AGMO: variants seen among roughly 807,000 people sequenced by gnomAD.
AGMO encodes the protein glyceryl-ether monooxygenase.
A neutral mutation model predicts 60.2 loss-of-function variants in AGMO; 75 were observed. The ratio of observed to expected loss-of-function variants is 1.25; its 90% CI spans 1.03 to 1.51. The LOEUF (loss-of-function observed/expected upper bound fraction) is 1.51. AGMO is among the 40% of genes most tolerant of loss of function. The pLI is 0.00. For missense variants in AGMO, 763 were observed against 525.5 expected (o/e 1.45, Z -4.42); for synonymous variants, 261 against 177.1 (o/e 1.47, Z -3.76).
chr7:15,294,092 A>C (rs894034987), intron 12 of AGMO, among the ~76,000 whole-genome samples: 1 of 152,148 alleles, frequency 6.6e-6, no homozygotes, highest in Non-Finnish European at 1.5e-5. Flanking sequence ...AAAACCTTGA[A>C]CAGGTTCCAG....
At chr7:15,144,997 T>C in the AGMO span, among the ~76,000 whole-genome samples, 1 of 152,136 alleles carries the variant, frequency 6.6e-6, no homozygotes, top group African/African-American at 2.4e-5. Context: ...GCTTTGCTAA[T>C]TTTTTTATTT....
At chr7:15,560,109 T>C (rs1583692251) in intron 2 of AGMO, 32 bp downstream of exon 2, 1 of 1,543,388 alleles carries the variant, frequency 6.5e-7, no homozygotes, top group Non-Finnish European at 8.8e-7. Flanking sequence ...ATTTCAGTTT[T>C]TATGCTCAGC....
chr7:15,214,434 C>G (rs1267013386), intron 12 of AGMO, among the ~76,000 whole-genome samples: 6 of 151,910 alleles, frequency 3.9e-5, no homozygotes, highest in Non-Finnish European at 8.8e-5. Context: ...CCTAGAAAAT[C>G]CCTTCAATAA....
At chr7:15,194,842 C>T in the AGMO span, among the ~76,000 whole-genome samples, 4 of 152,054 alleles carry the variant, frequency 2.6e-5, no homozygotes, top group Non-Finnish European at 4.4e-5. Context: ...ATCTCCAATA[C>T]CCCCTGTCTA....
the AGMO span, among the ~76,000 whole-genome samples, chr7:15,159,197 T>G: frequency 6.6e-6 from 1 of 152,090 alleles, no homozygotes; most frequent in African/African-American, 2.4e-5. Context: ...GAAGAAAAAC[T>G]TGAGATACAC....
intron 2 of AGMO, among the ~76,000 whole-genome samples, chr7:15,547,690 T>C (rs561225664): frequency 1.3e-5 from 2 of 152,092 alleles, no homozygotes; most frequent in Non-Finnish European, 2.9e-5. Context: ...CGCTGATTGC[T>C]AGCACAGCAG....
chr7:15,363,909 G>A (rs182396368), intron 12 of AGMO, among the ~76,000 whole-genome samples: 1 of 151,776 alleles, frequency 6.6e-6, no homozygotes, highest in African/African-American at 2.4e-5. Context: ...AGGTGTTAAA[G>A]TGCCATTTTC....
intron 12 of AGMO, among the ~76,000 whole-genome samples, chr7:15,276,324 AT>A (rs1025602993): frequency 1.3e-3 from 192 of 145,510 alleles, no homozygotes; most frequent in African/African-American, 3.0e-3. Flanking sequence ...ATCGACTGGC[AT>A]TTTTTTTTTT....
At chr7:15,389,451 T>A (rs1756613442) in intron 8 of AGMO, among the ~76,000 whole-genome samples, 1 of 152,170 alleles carries the variant, frequency 6.6e-6, no homozygotes, top group South Asian at 2.1e-4. Flanking sequence ...TCTCCTGAGG[T>A]GTATCATATT....
At chr7:15,212,592 T>C (rs1781626448) in intron 12 of AGMO, among the ~76,000 whole-genome samples, 1 of 152,014 alleles carries the variant, frequency 6.6e-6, no homozygotes, top group African/African-American at 2.4e-5. Context: ...TATATTACAT[T>C]TTCTACTGAC....
chr7:15,309,103 G>A (rs935324369), intron 12 of AGMO, among the ~76,000 whole-genome samples: 12 of 152,130 alleles, frequency 7.9e-5, no homozygotes, highest in African/African-American at 2.9e-4. Context: ...TAGTTCCTTA[G>A]ACTAGTTATT....
intron 12 of AGMO, among the ~76,000 whole-genome samples, chr7:15,204,241 T>C (rs1407380588): frequency 1.3e-5 from 2 of 152,126 alleles, no homozygotes; most frequent in Non-Finnish European, 2.9e-5. Flanking sequence ...ATAGAGTCAA[T>C]ATAACCACCT....
At chr7:15,526,920 C>A (rs1286244184) in intron 3 of AGMO, among the ~76,000 whole-genome samples, 2 of 152,068 alleles carry the variant, frequency 1.3e-5, no homozygotes, top group East Asian at 1.9e-4. Context: ...GTTACTATTA[C>A]AATTGTTTTA....
intron 3 of AGMO, among the ~76,000 whole-genome samples, chr7:15,518,075 G>A (rs145542751): frequency 2.4e-4 from 37 of 152,292 alleles, no homozygotes; most frequent in African/African-American, 7.5e-4. Context: ...GGAGCCTACC[G>A]CAGCTTGGCA....
chr7:15,554,009 C>A (rs912064058), intron 2 of AGMO, among the ~76,000 whole-genome samples: 1 of 152,150 alleles, frequency 6.6e-6, no homozygotes, highest in East Asian at 1.9e-4. Flanking sequence ...TAATTTGATC[C>A]CCTTTTATTA....
intron 12 of AGMO, among the ~76,000 whole-genome samples, chr7:15,344,144 TG>T (rs1484123928): frequency 1.3e-5 from 2 of 152,190 alleles, no homozygotes; most frequent in Non-Finnish European, 2.9e-5. Context: ...TGCATATTTT[TG>T]GTAACTGATA....
intron 5 of AGMO, among the ~76,000 whole-genome samples, chr7:15,404,634 C>A (rs181939226): frequency 4.0e-5 from 6 of 151,808 alleles, no homozygotes; most frequent in African/African-American, 1.4e-4. Flanking sequence ...TAAAAGAAGG[C>A]AACTGAAAAA....
chr7:15,495,845 CT>C (rs58221931), intron 3 of AGMO, among the ~76,000 whole-genome samples: 8 of 98,854 alleles, frequency 8.1e-5, no homozygotes, highest in East Asian at 3.8e-3. Context: ...TCTCTCTCCT[CT>C]CTCTCTCCTC....
At chr7:15,148,158 C>T in the AGMO span, among the ~76,000 whole-genome samples, 27 of 151,444 alleles carry the variant, frequency 1.8e-4, 1 homozygote, top group South Asian at 5.5e-3. Context: ...TATTTTGGAC[C>T]TTCTTGGTGG....
Sources: allele counts gnomAD v4.1 joint callset (sites outside exome capture counted in the v4.1 genomes callset), GRCh38; gene constraint gnomAD v4.1.1; transcripts MANE v1.5; gene names NCBI Gene and HGNC (gene_info 2026-07-23, HGNC 2026-07-21).